Variants in MROH9 observed in about 807,000 individuals in gnomAD.
MROH9 encodes maestro heat-like repeat-containing protein family member 9.
MROH9 carries 92 observed loss-of-function variants against 98.2 expected under a neutral mutation model. The observed-to-expected ratio is 0.94, with a 90% CI of 0.79 to 1.11. MROH9 has a LOEUF of 1.11. MROH9 is among the 50% of genes most tolerant of loss of function. The pLI is 0.00. For missense variants in MROH9, 1,057 were observed against 1,014.8 expected (o/e 1.04, Z -0.57); for synonymous variants, 397 against 368.9 (o/e 1.08, Z -0.87).
chr1:170,965,091 G>A, intron 6 of MROH9, 60 bp from the exon 7 acceptor site: 1 of 1,206,088 alleles, frequency 8.3e-7, no homozygotes, highest in Non-Finnish European at 1.2e-6. Context: ...AAGAATAGAG[G>A]AAAGGTTCTT....
intron 3 of MROH9, among the ~76,000 whole-genome samples, chr1:170,949,034 A>C (rs1649446848): frequency 1.3e-5 from 2 of 152,078 alleles, no homozygotes. Flanking sequence ...ACTGCAATGC[A>C]CTTGCAAGAT....
chr1:170,976,675 TTTC>T (rs1650707142), intron 8 of MROH9, among the ~76,000 whole-genome samples: 1 of 152,112 alleles, frequency 6.6e-6, no homozygotes, highest in African/African-American at 2.4e-5. Flanking sequence ...GATAACATAT[TTTC>T]TTTTTTTATT....
At chr1:171,057,508 G>A (rs1653878665) in intron 20 of MROH9, among the ~76,000 whole-genome samples, 1 of 152,202 alleles carries the variant, frequency 6.6e-6, no homozygotes. Context: ...ACCTGAAGGA[G>A]ATGGGACGAA....
chr1:171,017,784 T>C (rs1372779794), intron 17 of MROH9, among the ~76,000 whole-genome samples: 1 of 152,184 alleles, frequency 6.6e-6, no homozygotes, highest in Non-Finnish European at 1.5e-5. Flanking sequence ...TGTGGCAGAC[T>C]GTTGACGAGT....
intron 3 of MROH9, among the ~76,000 whole-genome samples, chr1:170,952,756 T>A (rs181275882): frequency 0.014 from 2,102 of 149,668 alleles, 43 homozygotes; most frequent in African/African-American, 0.047. Context: ...TAATAAAAAA[T>A]ATATATATAT....
chr1:170,975,056 G>A (rs1007985951), intron 8 of MROH9, among the ~76,000 whole-genome samples: 8 of 151,372 alleles, frequency 5.3e-5, no homozygotes, highest in Admixed American at 5.3e-4. Flanking sequence ...TTAAAATGAG[G>A]CAAAAAAGAA....
chr1:170,962,949 A>G (rs756553198), intron 6 of MROH9, among the ~76,000 whole-genome samples: 4 of 152,058 alleles, frequency 2.6e-5, no homozygotes, highest in African/African-American at 9.7e-5. Context: ...CACCAAAAGC[A>G]GTTGCAAATG....
intron 7 of MROH9, among the ~76,000 whole-genome samples, chr1:170,968,754 A>C (rs1650328267): frequency 1.3e-5 from 2 of 152,034 alleles, no homozygotes; most frequent in African/African-American, 4.8e-5. Flanking sequence ...TCTCCAAAAA[A>C]AGTAAAAATA....
intron 15 of MROH9, among the ~76,000 whole-genome samples, chr1:171,012,082 A>G (rs1652174478): frequency 1.3e-5 from 2 of 152,002 alleles, no homozygotes; most frequent in African/African-American, 4.8e-5. Context: ...TATCTATGTT[A>G]TATATAATTT....
At chr1:170,951,651 C>T (rs1046218123) in intron 3 of MROH9, among the ~76,000 whole-genome samples, 2 of 152,092 alleles carry the variant, frequency 1.3e-5, no homozygotes, top group Non-Finnish European at 2.9e-5. Flanking sequence ...GGAAAGACAC[C>T]TCCTAGCTGA....
At chr1:170,982,434 G>T (rs529313542) in intron 8 of MROH9, among the ~76,000 whole-genome samples, 22 of 152,140 alleles carry the variant, frequency 1.4e-4, no homozygotes, top group Non-Finnish European at 2.5e-4. Flanking sequence ...TGGATAAGTG[G>T]TTGCCTTGGA....
At chr1:171,017,141 G>A (rs1652351625) in intron 17 of MROH9, among the ~76,000 whole-genome samples, 1 of 152,188 alleles carries the variant, frequency 6.6e-6, no homozygotes, top group Admixed American at 6.5e-5. Flanking sequence ...GGCTTAAAGG[G>A]GCGGGGGCCA....
chr1:171,052,226 A>T (rs1653691774), intron 20 of MROH9, among the ~76,000 whole-genome samples: 1 of 152,182 alleles, frequency 6.6e-6, no homozygotes, highest in African/African-American at 2.4e-5. Context: ...CTGCGGAATC[A>T]GTTGTTTGTC....
chr1:171,005,069 C>T (rs1274227565), intron 15 of MROH9, among the ~76,000 whole-genome samples: 4 of 151,312 alleles, frequency 2.6e-5, no homozygotes, highest in African/African-American at 4.9e-5. Context: ...GTGGTATAGA[C>T]ATTTTTATTT....
rs1217173618 is a variant in MROH9 at position 170,935,561 on chromosome 1, C to T, written c.-64C>T. 6.6e-6 allele frequency: 1 copy of T among 152,132 alleles called. No homozygotes were observed. Among genetic ancestry groups the T allele is most frequent in the Non-Finnish European group, 1.5e-5 (1 of 68,028 alleles). The allele number at this position is 152,132 out of a possible 1,614,324, so 9.4% of individuals were successfully genotyped here. On this transcript the variant is annotated 5_prime_UTR_variant, in exon 1 of 22. Transcript: ENST00000367759. Reference sequence around the variant, plus strand: ...AGTTTCTCTTCACTACTTTGTCTCACCGTGATTACAGAGAAGTTACAAATA... The same window carrying T: ...AGTTTCTCTTCACTACTTTGTCTCATCGTGATTACAGAGAAGTTACAAATA...
intron 17 of MROH9, among the ~76,000 whole-genome samples, chr1:171,023,100 C>A (rs978795969): frequency 2.6e-5 from 4 of 152,196 alleles, no homozygotes; most frequent in Non-Finnish European, 5.9e-5. Context: ...GGGAGGATTG[C>A]TTGAGCCCAA....
intron 20 of MROH9, among the ~76,000 whole-genome samples, chr1:171,045,357 C>T (rs1653441140): frequency 1.3e-5 from 2 of 151,956 alleles, no homozygotes; most frequent in Admixed American, 1.3e-4. Flanking sequence ...TTTGCTCTTG[C>T]TTCTCTAGTT....
At chr1:171,002,321 T>A (rs1325071066) in intron 15 of MROH9, among the ~76,000 whole-genome samples, 1 of 152,162 alleles carries the variant, frequency 6.6e-6, no homozygotes, top group East Asian at 1.9e-4. Context: ...TGTTTTTGCT[T>A]TTTAACTTGT....
At chr1:170,959,666 C>A in intron 5 of MROH9, 69 bp downstream of exon 5, 2 of 1,435,726 alleles carry the variant, frequency 1.4e-6, no homozygotes, top group South Asian at 1.4e-5. Context: ...CAGAATGTGA[C>A]TCAGCAGGTG....
Sources: allele counts gnomAD v4.1 joint callset (sites outside exome capture counted in the v4.1 genomes callset), GRCh38; gene constraint gnomAD v4.1.1; transcripts MANE v1.5; gene names NCBI Gene and HGNC (gene_info 2026-07-23, HGNC 2026-07-21).